Variants in SELENOO observed in about 807,000 individuals in gnomAD.
The protein encoded by SELENOO is selenoprotein O.
A neutral mutation model predicts 58.7 loss-of-function variants in SELENOO; 74 were observed. The observed-to-expected ratio is 1.26, with a 90% CI of 1.04 to 1.53. The LOEUF (loss-of-function observed/expected upper bound fraction) is 1.53, where lower values mean the gene tolerates loss of function less well. SELENOO is among the 40% of genes most tolerant of loss of function. The pLI is 0.00. For missense variants in SELENOO, 1,149 were observed against 970.0 expected (o/e 1.18, Z -2.45); for synonymous variants, 543 against 453.2 (o/e 1.20, Z -2.52).
Position 50,217,299 on chromosome 22 carries a change from G to A in SELENOO, c.1940G>A (p.Gly647Asp). 1 of 1,612,712 alleles carries A rather than the reference G, an allele frequency of 6.2e-7. No individual in the cohort carries two copies. The highest frequency in any genetic ancestry group is 1.1e-5 in the South Asian group (1 of 91,084). ...GCCACGGAAGCCGACGGGGCGGACG[G>A]CAGGCAGCGCTCCTACAGCAGTAAG... ...AEATEADGAD[G>D]RQRSYSSKPP... The change falls in exon 9 of 9, where the codon GGC becomes GAC. Residue 647 changes from glycine (G) to aspartate (D), a missense_variant. Transcript: ENST00000380903.
chr22:50,208,697 A>G lies in SELENOO; in HGVS notation c.920A>G (p.Asn307Ser). ...CATGCCAGCGACAGCGTGCAGAGAAATGCTGCCTTCTTCCGGGAGGTCAGT... is the reference window on the plus strand; with the variant it reads ...CATGCCAGCGACAGCGTGCAGAGAAGTGCTGCCTTCTTCCGGGAGGTCAGT... The part of the protein sequence containing the change: ...AAHASDSVQR[N>S]AAFFREVTRR... The change falls in exon 3 of 9, where the codon AAT becomes AGT. Residue 307 changes from asparagine (N) to serine (S), a missense_variant. Coordinates refer to ENST00000380903, the MANE Select transcript of SELENOO (RefSeq NM_031454.2). 1 of 1,612,872 alleles carries G rather than the reference A, an allele frequency of 6.2e-7. No homozygotes were observed. Among genetic ancestry groups the G allele is most frequent in the Admixed American group, 1.7e-5 (1 of 60,008 alleles).
chr22:50,201,456 C>G lies in SELENOO; in HGVS notation c.420C>G (p.Tyr140Ter). The part of the protein sequence containing the change: ...LPGAEPAAHC[Y>*]CGHQFGQFAG... ...GCGCCGAGCCCGCCGCGCACTGCTA[C>G]TGCGGCCACCAATTCGGCCAGTTCG... Residue 140 changes from tyrosine to a stop codon, truncating the protein, a stop_gained, in exon 1 of 9, where the codon TAC becomes TAG. Coordinates refer to ENST00000380903, the MANE Select transcript of SELENOO (RefSeq NM_031454.2). LOFTEE classifies it high-confidence loss of function. 1 of 1,419,480 alleles carries G rather than the reference C, an allele frequency of 7.0e-7. No individual in the cohort carries two copies. Among genetic ancestry groups the G allele is most frequent in the South Asian group, 1.4e-5 (1 of 72,760 alleles). 87.9% of individuals were successfully genotyped at this position (1,419,480 alleles called of 1,614,324 possible).
At chr22:50,207,107 G>C (rs956397871) in intron 2 of SELENOO, among the ~76,000 whole-genome samples, 1 of 152,114 alleles carries the variant, frequency 6.6e-6, no homozygotes, top group Non-Finnish European at 1.5e-5. Context: ...TCTGACGTGA[G>C]CCATCAGTTA....
Position 50,216,776 on chromosome 22 carries a change from C to G in SELENOO, c.1588C>G (p.Leu530Val). 6.2e-7 allele frequency: 1 copy of G among 1,608,964 alleles called. No individual in the cohort carries two copies. Among genetic ancestry groups the G allele is most frequent in the Non-Finnish European group, 8.5e-7 (1 of 1,179,792 alleles). ...CACCCGGGCAGGCATCGCCAGGGAG[C>G]TGGAGCGTGTGGAGCAGCAGTCTCG... ...MGTRAGIARE[L>V]ERVEQQSRLE... Residue 530 changes from leucine (L) to valine (V), a missense_variant, in exon 7 of 9, where the codon CTG becomes GTG. Physicochemically the swap from Leu to Val is conservative, Grantham distance 32. Transcript: ENST00000380903.
At chr22:50,204,596 G>C (rs1777382952) in intron 1 of SELENOO, among the ~76,000 whole-genome samples, 1 of 150,478 alleles carries the variant, frequency 6.6e-6, no homozygotes, top group Non-Finnish European at 1.5e-5. Context: ...CACTGTCCCT[G>C]GGTGACAGAG....
At chr22:50,208,445 AAT>A in intron 2 of SELENOO, 89 bp from the exon 3 acceptor site, 4 of 1,256,614 alleles carry the variant, frequency 3.2e-6, no homozygotes, top group East Asian at 4.9e-5. Context: ...AAAAAAAAAA[AAT>A]AGCCACAACA....
intron 5 of SELENOO, among the ~76,000 whole-genome samples, chr22:50,214,771 T>C (rs911700408): frequency 5.9e-5 from 9 of 152,354 alleles, no homozygotes; most frequent in East Asian, 3.9e-4. Flanking sequence ...TCTCAAAAAA[T>C]AGAAAACTTA....
In SELENOO at chr22:50,201,124, C is replaced by A. The variant is rs1433786449; in HGVS notation, c.88C>A (p.Arg30Ser). The A allele has an allele frequency of 2.3e-6, 3 of 1,325,438 alleles. No homozygotes were observed. The highest frequency in any genetic ancestry group is 2.9e-6 in the Non-Finnish European group (3 of 1,040,768). 82.1% of individuals were successfully genotyped at this position (1,325,438 alleles called of 1,614,324 possible). A position where few individuals can be genotyped will look rare whatever the true frequency, so the allele number is the denominator to read the frequency against. The change falls in exon 1 of 9, where the codon CGC becomes AGC. Residue 30 changes from arginine to serine, a missense_variant. Coordinates refer to ENST00000380903, the MANE Select transcript of SELENOO (RefSeq NM_031454.2). ...LGRCSPSPAP[R>S]STLSGAAMEP... ...TCGCTGTTCCCCGTCGCCGGCGCCC[C>A]GCTCTACGTTGTCGGGCGCCGCCAT... is the stretch of plus-strand genomic sequence containing the variant.
rs375071384 is a variant in SELENOO at position 50,217,263 on chromosome 22, C to T, written c.1904C>T (p.Thr635Ile). The stretch of plus-strand genomic sequence containing the variant: ...TACCACTGCGAGGCGGGGGCCGCCA[C>T]AGACGCCGAGGCCACGGAAGCCGAC... Reference protein sequence around the residue: ...TPYHCEAGAATDAEATEADGA... With the variant: ...TPYHCEAGAAIDAEATEADGA... Residue 635 changes from threonine (T) to isoleucine (I), a missense_variant, in exon 9 of 9, where the codon ACA becomes ATA. Coordinates refer to ENST00000380903, the MANE Select transcript of SELENOO (RefSeq NM_031454.2). 3.1e-6 allele frequency: 5 copies of T among 1,611,962 alleles called. No individual in the cohort carries two copies. Among genetic ancestry groups the T allele is most frequent in the Admixed American group, 1.7e-5 (1 of 59,890 alleles).
Position 50,201,236 on chromosome 22 carries a change from C to T in SELENOO, c.200C>T (p.Pro67Leu). 3 of 1,123,828 alleles carry T rather than the reference C, an allele frequency of 2.7e-6. No individual in the cohort carries two copies. The highest frequency in any genetic ancestry group is 3.3e-6 in the Non-Finnish European group (3 of 920,922). The allele number at this position is 1,123,828 out of a possible 1,614,324, so 69.6% of individuals were successfully genotyped here. ...CCCGTGGAGGCGCCGCCGCCCGGTC[C>T]CGAGGGCGCCCCGTCCGCGCCGCGG... Reference protein sequence around the residue: ...ALPVEAPPPGPEGAPSAPRPV... With the variant: ...ALPVEAPPPGLEGAPSAPRPV... The change falls in exon 1 of 9, where the codon CCC becomes CTC. Residue 67 changes from proline (P) to leucine (L), a missense_variant. Transcript: ENST00000380903.
rs369916367 is a variant in SELENOO at position 50,216,721 on chromosome 22, G to A, written c.1533G>A (p.Gln511=). ...RQLSMMLMLA[Q]SNPQLFALMG... ...TATCCATGATGCTGATGCTGGCGCAGTCAAACCCGCAGCTGTTCGCGCTTA... is the reference window on the plus strand; with the variant it reads ...TATCCATGATGCTGATGCTGGCGCAATCAAACCCGCAGCTGTTCGCGCTTA... Residue 511 remains glutamine, a synonymous_variant, in exon 7 of 9, where the codon CAG becomes CAA. Transcript: ENST00000380903. 3.1e-6 allele frequency: 5 copies of A among 1,601,428 alleles called. No homozygotes were observed. The African/African-American group carries it at 4.0e-5, about 13-fold the overall frequency.
intron 5 of SELENOO, among the ~76,000 whole-genome samples, chr22:50,212,361 A>G (rs771995848): frequency 3.3e-5 from 5 of 152,090 alleles, no homozygotes; most frequent in Non-Finnish European, 7.4e-5. Flanking sequence ...CAGTTTTGGT[A>G]ATTTATGTTT....
intron 1 of SELENOO, among the ~76,000 whole-genome samples, chr22:50,202,939 CATAA>C (rs1452399825): frequency 6.6e-6 from 1 of 152,206 alleles, no homozygotes; most frequent in African/African-American, 2.4e-5. Flanking sequence ...ATAAAGAAAA[CATAA>C]ATAAATGGAA....
chr22:50,212,981 ATCT>A (rs1325836833), intron 5 of SELENOO, among the ~76,000 whole-genome samples: 16 of 152,096 alleles, frequency 1.1e-4, no homozygotes, highest in South Asian at 1.0e-3. Context: ...CTGATTGGAG[ATCT>A]TCTTCAGTGT....
chr22:50,210,914 G>GA lies in SELENOO; in HGVS notation c.1351+4dup. The GA allele has an allele frequency of 6.2e-7, 1 of 1,613,928 alleles. No homozygotes were observed. The highest frequency in any genetic ancestry group is 2.2e-5 in the East Asian group (1 of 44,892). On this transcript the variant is annotated splice_donor_region_variant and intron_variant, in intron 5 of 8. Transcript: ENST00000380903. ...CCTGGAGACCATGCATCTGACCGGTGAGTGACCCAGCCGTGCCCACAGCAA... is the reference window on the plus strand; with the variant it reads ...CCTGGAGACCATGCATCTGACCGGTGAAGTGACCCAGCCGTGCCCACAGCAA...
intron 1 of SELENOO, among the ~76,000 whole-genome samples, chr22:50,204,055 C>G (rs796789899): frequency 1.1e-4 from 17 of 152,256 alleles, no homozygotes; most frequent in African/African-American, 3.9e-4. Flanking sequence ...AAGATGTGGC[C>G]AATAAGCACG....
At chr22:50,201,959 CG>C (rs2064304663) in intron 1 of SELENOO, among the ~76,000 whole-genome samples, 1 of 152,232 alleles carries the variant, frequency 6.6e-6, no homozygotes, top group Admixed American at 6.5e-5. Context: ...ACTGACTTCA[CG>C]GAGGCCTGGC....
intron 4 of SELENOO, 39 bp from the exon 5 acceptor site, chr22:50,210,592 C>T (rs1392192365): frequency 6.2e-7 from 1 of 1,612,006 alleles, no homozygotes; most frequent in African/African-American, 1.3e-5. Flanking sequence ...CGGGAACTTC[C>T]TCTCAGGCAG....
At chr22:50,213,849 C>T (rs929917790) in intron 5 of SELENOO, among the ~76,000 whole-genome samples, 3 of 151,842 alleles carry the variant, frequency 2.0e-5, no homozygotes, top group African/African-American at 4.8e-5. Flanking sequence ...GGGGTTTCAC[C>T]GTGTTAGCCA....
Sources: allele counts gnomAD v4.1 joint callset (sites outside exome capture counted in the v4.1 genomes callset), GRCh38; gene constraint gnomAD v4.1.1; transcripts MANE v1.5; gene names NCBI Gene and HGNC (gene_info 2026-07-23, HGNC 2026-07-21).